ASIC2: variants seen among roughly 807,000 people sequenced by gnomAD.
The protein encoded by ASIC2 is acid sensing ion channel subunit 2, also known as acid-sensing ion channel 2.
In ASIC2, 25 loss-of-function variants were observed where a neutral mutation model predicts 57.3. That is an observed-to-expected ratio of 0.44 (90% CI 0.32 to 0.61). The LOEUF is 0.61. Among genes scored for constraint, ASIC2 ranks in the 20% least tolerant of loss-of-function variants. The probability of loss-of-function intolerance (pLI) is 0.06; values close to 1 mark genes in which losing one functional copy is unlikely to be tolerated. For synonymous variants in ASIC2, 319 were observed against 307.5 expected, an observed-to-expected ratio of 1.04 and a Z score of -0.39; for missense variants, 641 against 738.1, an observed-to-expected ratio of 0.87 and a Z score of 1.52.
At position 33,935,861 on chromosome 17, in the gene ASIC2, T is replaced by G. The variant is rs534459850; in HGVS notation, c.555+220117A>C. ...AGAGCCAGTTCCTCAGAACACCTTA[T>G]CTGCTGCAATTCCTGTGACCTTTCA... On this transcript the variant is annotated intron_variant, in intron 1 of 9. Coordinates refer to the ASIC2 transcript ENST00000359872. The G allele has an allele frequency of 3.9e-5, 6 of 152,372 alleles. No individual in the cohort carries two copies. In the South Asian group the frequency reaches 1.2e-3, roughly 32 times the overall value. The allele number at this position is 152,372 out of a possible 1,614,324, so 9.4% of individuals were successfully genotyped here.
intron 1 of ASIC2, among the ~76,000 whole-genome samples, chr17:33,575,927 C>A (rs924530833): frequency 1.3e-5 from 2 of 152,050 alleles, no homozygotes; most frequent in Non-Finnish European, 2.9e-5. Context: ...GCAGAGTTTG[C>A]CTGTAATTAG....
intron 1 of ASIC2, among the ~76,000 whole-genome samples, chr17:33,661,671 T>G (rs1344780313): frequency 6.6e-6 from 1 of 152,204 alleles, no homozygotes; most frequent in Non-Finnish European, 1.5e-5. Context: ...TGGAAACTGA[T>G]TTGGAGAAAT....
At chr17:33,436,885 A>G (rs1245239816) in intron 1 of ASIC2, among the ~76,000 whole-genome samples, 1 of 41,646 alleles carries the variant, frequency 2.4e-5, no homozygotes, top group Non-Finnish European at 4.5e-5. Context: ...TTTTTTTTTG[A>G]GACGGAGTCT....
At chr17:34,118,024 CTCT>C (rs1911479049) in intron 1 of ASIC2, among the ~76,000 whole-genome samples, 1 of 152,166 alleles carries the variant, frequency 6.6e-6, no homozygotes, top group Non-Finnish European at 1.5e-5. Flanking sequence ...GGCTTCAAGG[CTCT>C]TCTTCTGGTG....
chr17:33,667,760 G>C (rs1471942702), intron 1 of ASIC2, among the ~76,000 whole-genome samples: 6 of 152,160 alleles, frequency 3.9e-5, no homozygotes, highest in Non-Finnish European at 1.5e-5. Flanking sequence ...TGAAAGCAAG[G>C]GTTCACTGGG....
intron 3 of ASIC2, among the ~76,000 whole-genome samples, chr17:33,087,575 G>GTTTTTTTTTTTTTTTTTTTTTTTTTTTT (rs5820015): frequency 9.0e-6 from 1 of 111,044 alleles, no homozygotes; most frequent in Admixed American, 1.0e-4. Context: ...TACAACCAGT[G>GTTTTTTTTTTTTTTTTTTTTTTTTTTTT]TTTTTTTTTT....
At chr17:33,432,835 A>T (rs997537946) in intron 1 of ASIC2, among the ~76,000 whole-genome samples, 1 of 152,208 alleles carries the variant, frequency 6.6e-6, no homozygotes, top group African/African-American at 2.4e-5. Flanking sequence ...GAGAAATGCA[A>T]ATCAAAGCCG....
chr17:33,749,130 G>C (rs956164553), intron 1 of ASIC2, among the ~76,000 whole-genome samples: 11 of 152,154 alleles, frequency 7.2e-5, no homozygotes, highest in African/African-American at 2.4e-4. Context: ...GAGAGAACCG[G>C]GTTGGGGTGC....
At chr17:33,209,207 T>C (rs1022220508) in intron 1 of ASIC2, among the ~76,000 whole-genome samples, 14 of 152,232 alleles carry the variant, frequency 9.2e-5, no homozygotes, top group Non-Finnish European at 2.9e-5. Context: ...TTTCTGACTC[T>C]TTCTCCCAGT....
chr17:33,650,512 CA>C (rs1171145634), intron 1 of ASIC2, among the ~76,000 whole-genome samples: 1 of 152,180 alleles, frequency 6.6e-6, no homozygotes, highest in Non-Finnish European at 1.5e-5. Flanking sequence ...TATGTTCACA[CA>C]AAAATCAGTA....
intron 1 of ASIC2, among the ~76,000 whole-genome samples, chr17:34,102,107 G>C (rs908556781): frequency 1.3e-5 from 2 of 151,852 alleles, no homozygotes. Flanking sequence ...TCAGGAGTTC[G>C]AGACTAGCCT....
chr17:33,345,204 C>T (rs1907896022), intron 1 of ASIC2, among the ~76,000 whole-genome samples: 1 of 152,186 alleles, frequency 6.6e-6, no homozygotes, highest in South Asian at 2.1e-4. Flanking sequence ...GTAGTCTAAA[C>T]ATGACCCATG....
intron 1 of ASIC2, among the ~76,000 whole-genome samples, chr17:33,543,301 A>AAAACAAAAC (rs1915480085): frequency 9.3e-6 from 1 of 108,088 alleles, no homozygotes; most frequent in Non-Finnish European, 1.8e-5. Flanking sequence ...CAAAACAAAA[A>AAAACAAAAC]CAAAAAAAAC....
chr17:33,915,674 G>A (rs148008595), intron 1 of ASIC2, among the ~76,000 whole-genome samples: 273 of 152,274 alleles, frequency 1.8e-3, no homozygotes, highest in African/African-American at 6.2e-3. Flanking sequence ...TGCAGAGGCC[G>A]CTGCAATAAA....
At chr17:33,799,375 TTCC>T (rs1360080364) in intron 1 of ASIC2, among the ~76,000 whole-genome samples, 1 of 94,886 alleles carries the variant, frequency 1.1e-5, no homozygotes, top group African/African-American at 4.2e-5. Flanking sequence ...TCTTTCTTTC[TTCC>T]TTTCTTTCTT....
chr17:33,498,377 G>A (rs1185956091), intron 1 of ASIC2, among the ~76,000 whole-genome samples: 1 of 152,226 alleles, frequency 6.6e-6, no homozygotes, highest in Admixed American at 6.5e-5. Context: ...AGTGTGGAGC[G>A]TGGCTGCTGT....
Position 34,039,296 on chromosome 17 carries a change from G to T in ASIC2, c.555+116682C>A, listed in dbSNP as rs148304346. ...ATCTGTTTTTGGGAGCTGCAGGAAT[G>T]CTCTGTGTTGCCAGATCCCGTAGAT... On this transcript the variant is annotated intron_variant, in intron 1 of 9. Coordinates refer to the ASIC2 transcript ENST00000359872. The T allele has an allele frequency of 1.6e-4, 259 of 1,613,962 alleles. 3 individuals carry two copies. In the East Asian group the frequency reaches 5.7e-3, roughly 35 times the overall value.
At chr17:33,237,622 G>T (rs540949383) in intron 1 of ASIC2, among the ~76,000 whole-genome samples, 2 of 152,142 alleles carry the variant, frequency 1.3e-5, no homozygotes, top group African/African-American at 4.8e-5. Flanking sequence ...GTGAGCCACC[G>T]CGCCCGGCCT....
intron 1 of ASIC2, among the ~76,000 whole-genome samples, chr17:33,418,684 T>G (rs1014701107): frequency 6.6e-6 from 1 of 152,138 alleles, no homozygotes; most frequent in Non-Finnish European, 1.5e-5. Context: ...GTTGTAGATG[T>G]GTAGTTATTT....
Sources: gnomAD v4.1 joint callset for allele counts (sites outside exome capture counted in the v4.1 genomes callset) on GRCh38, gnomAD v4.1.1 for gene constraint, MANE v1.5 for transcripts, NCBI Gene and HGNC (gene_info 2026-07-23, HGNC 2026-07-21) for gene names.